ARHGEF10L: variants seen among roughly 807,000 people sequenced by gnomAD.
The protein encoded by ARHGEF10L is Rho guanine nucleotide exchange factor 10 like, also known as rho guanine nucleotide exchange factor 10-like protein.
In ARHGEF10L, 69 loss-of-function variants were observed where a neutral mutation model predicts 141.2. That is an observed-to-expected ratio of 0.49 (90% CI 0.40 to 0.60). The LOEUF (loss-of-function observed/expected upper bound fraction) is 0.60. ARHGEF10L is among the 20% of genes least tolerant of loss of function. The pLI is 0.00. For missense variants in ARHGEF10L, 1,482 were observed against 1,734.3 expected, an observed-to-expected ratio of 0.85 and a Z score of 2.58; for synonymous variants, 711 against 718.5, an observed-to-expected ratio of 0.99 and a Z score of 0.17.
At chr1:17,616,893 A>T (rs1345903651) in intron 9 of ARHGEF10L, among the ~76,000 whole-genome samples, 1 of 152,192 alleles carries the variant, frequency 6.6e-6, no homozygotes, top group Non-Finnish European at 1.5e-5. Flanking sequence ...TGTTCCAGAG[A>T]TGCTCTTAGT....
chr1:17,579,775 G>GC (rs1400035368), intron 1 of ARHGEF10L, among the ~76,000 whole-genome samples: 1 of 152,190 alleles, frequency 6.6e-6, no homozygotes, highest in East Asian at 1.9e-4. Flanking sequence ...TAGGAGGACA[G>GC]CCCCCAGTGC....
rs1292671192 is a variant in ARHGEF10L, at chr1:17,640,206, G to A, written c.2176G>A (p.Gly726Ser). 13 of 1,610,752 alleles carry A rather than the reference G, an allele frequency of 8.1e-6. No homozygotes were observed. The highest frequency in any genetic ancestry group is 2.2e-5 in the South Asian group (2 of 90,256). The change falls in exon 21 of 29, where the codon GGC becomes AGC. Residue 726 changes from glycine to serine, a missense_variant. Coordinates refer to ENST00000361221, the MANE Select transcript of ARHGEF10L (RefSeq NM_018125.4). ...CTCTAACCCTTCTCACCACAGGTCC[G>A]GCCGCCCCATTAGCTTCATGGTGGT... ...LLLPGKPDKSGRPISFMVVFI... is the reference protein window; with the variant it reads ...LLLPGKPDKSSRPISFMVVFI...
At chr1:17,686,093 TC>T (rs1184540650) in intron 26 of ARHGEF10L, among the ~76,000 whole-genome samples, 2 of 147,300 alleles carry the variant, frequency 1.4e-5, no homozygotes, top group East Asian at 2.0e-4. Flanking sequence ...TTTCTTTCTT[TC>T]TTTCTTTCTT....
intron 7 of ARHGEF10L, among the ~76,000 whole-genome samples, chr1:17,609,185 C>G (rs1570876355): frequency 1.3e-5 from 2 of 152,192 alleles, no homozygotes; most frequent in Admixed American, 6.5e-5. Context: ...CCAGTGCCTC[C>G]CACCTTTTCT....
chr1:17,554,947 T>C (rs1343268448), intron 1 of ARHGEF10L, among the ~76,000 whole-genome samples: 1 of 152,160 alleles, frequency 6.6e-6, no homozygotes, highest in Non-Finnish European at 1.5e-5. Context: ...TTGCCTTCTC[T>C]TTCTCCAATC....
chr1:17,613,134 GGA>G lies in ARHGEF10L; in HGVS notation c.691_692del (p.Asp231HisfsTer11). The G allele has an allele frequency of 6.2e-7, 1 of 1,613,856 alleles. No individual in the cohort carries two copies. The highest frequency in any genetic ancestry group is 1.1e-5 in the South Asian group (1 of 90,994). ...GACATCTTGGCTTTGAGAGTTGGGG[GGA>G]GAGACATGCAGGAGCTGAAGCACAA... On this transcript the variant is annotated frameshift_variant, in exon 8 of 29. Transcript: ENST00000361221. LOFTEE classifies it high-confidence loss of function.
chr1:17,531,259 C>T, the ARHGEF10L span, among the ~76,000 whole-genome samples: 20 of 152,230 alleles, frequency 1.3e-4, 1 homozygote, highest in Admixed American at 1.0e-3. Flanking sequence ...GAAGGGGCTC[C>T]GGGCCTCTTT....
chr1:17,624,205 A>G (rs2060260170), intron 12 of ARHGEF10L, among the ~76,000 whole-genome samples, 182 bp from the exon 13 acceptor site: 1 of 152,152 alleles, frequency 6.6e-6, no homozygotes, highest in Non-Finnish European at 1.5e-5. Flanking sequence ...TCTGAGCTCC[A>G]TGTCCACACC....
chr1:17,517,908 C>T, the ARHGEF10L span, among the ~76,000 whole-genome samples: 4 of 152,154 alleles, frequency 2.6e-5, no homozygotes, highest in African/African-American at 7.2e-5. Flanking sequence ...ATGATCCAAC[C>T]GCCTCGGCCT....
At chr1:17,564,560 G>A (rs900054734) in intron 1 of ARHGEF10L, among the ~76,000 whole-genome samples, 1 of 152,302 alleles carries the variant, frequency 6.6e-6, no homozygotes, top group Admixed American at 6.5e-5. Flanking sequence ...GTTTTAACCT[G>A]TAAATACTGT....
At chr1:17,553,004 A>G (rs1268514866) in intron 1 of ARHGEF10L, among the ~76,000 whole-genome samples, 1 of 152,128 alleles carries the variant, frequency 6.6e-6, no homozygotes, top group African/African-American at 2.4e-5. Flanking sequence ...ACTTTGGGAC[A>G]CCCCAGTCCC....
rs1401167907 is a variant in ARHGEF10L at position 17,639,371 on chromosome 1, C to T, written c.2171+682C>T. ...GGGGGCTCAATGCCCAGGTTTTGGCCTCCAGGGTGGGGTGAAGGTGGGGAT... is the reference window on the plus strand; with the variant it reads ...GGGGGCTCAATGCCCAGGTTTTGGCTTCCAGGGTGGGGTGAAGGTGGGGAT... On this transcript the variant is annotated intron_variant, in intron 20 of 28. Coordinates refer to ENST00000361221, the MANE Select transcript of ARHGEF10L (RefSeq NM_018125.4). This position sits in a 1 kb window ranked among gnomAD's most constrained non-coding sequence, Gnocchi z 4.3. 1.3e-5 allele frequency among the ~76,000 whole-genome samples: 2 copies of T among 152,216 alleles called. No individual in the cohort carries two copies. Among genetic ancestry groups the T allele is most frequent in the Non-Finnish European group, 2.9e-5 (2 of 68,048 alleles).
chr1:17,654,841 C>A lies in ARHGEF10L; in HGVS notation c.2481+119C>A. On this transcript the variant is annotated intron_variant, in intron 23 of 28. Transcript: ENST00000361221. This position sits in a 1 kb window ranked among gnomAD's most constrained non-coding sequence, Gnocchi z 4.3. ...CTGCCTCATCTCATGCAGCTTCATC[C>A]ACCAAGGTCTTCCTGGGCACCTCTG... 1.0e-6 allele frequency: 1 copy of A among 972,600 alleles called. No individual in the cohort carries two copies. Among genetic ancestry groups the A allele is most frequent in the Non-Finnish European group, 1.6e-6 (1 of 617,282 alleles). 60.2% of individuals were successfully genotyped at this position (972,600 alleles called of 1,614,324 possible). A position where few individuals can be genotyped will look rare whatever the true frequency, so the allele number is the denominator to read the frequency against.
intron 1 of ARHGEF10L, among the ~76,000 whole-genome samples, chr1:17,542,052 T>C (rs2076747335): frequency 6.6e-6 from 1 of 151,430 alleles, no homozygotes. Context: ...GGTGGGAGGG[T>C]CGCTTGAACC....
intron 4 of ARHGEF10L, among the ~76,000 whole-genome samples, chr1:17,596,038 GCTTA>G (rs879466228): frequency 6.6e-6 from 1 of 152,192 alleles, no homozygotes; most frequent in African/African-American, 2.4e-5. Flanking sequence ...GCCCCGGGGT[GCTTA>G]CTTCTTCCCC....
chr1:17,553,201 GT>G (rs2077181503), intron 1 of ARHGEF10L, among the ~76,000 whole-genome samples: 1 of 152,210 alleles, frequency 6.6e-6, no homozygotes, highest in African/African-American at 2.4e-5. Context: ...AGTTGCCTGG[GT>G]TCTAATCCCA....
In ARHGEF10L at chr1:17,595,220, C is replaced by CAT. The variant is rs1182280745; in HGVS notation, c.257+6741_257+6742insAT. Reference sequence around the variant, plus strand: ...TTGCACATGCTGTTTCGTGGCTCACCTTTTTTTTTTTTTTTTTTTTTTTTT... The same window carrying CAT: ...TTGCACATGCTGTTTCGTGGCTCACCATTTTTTTTTTTTTTTTTTTTTTTTTT... On this transcript the variant is annotated intron_variant, in intron 4 of 28. Transcript: ENST00000361221. 5.7e-5 allele frequency among the ~76,000 whole-genome samples: 6 copies of CAT among 106,112 alleles called. No individual in the cohort carries two copies. The South Asian group carries it at 1.7e-3, about 31-fold the overall frequency. The allele number at this position is 106,112 out of a possible 152,430, so 69.6% of individuals were successfully genotyped here.
rs2102012206 is a variant in ARHGEF10L, at chr1:17,654,523, A to G, written c.2395-113A>G. ...GAAGCATGTTGCTTTCCTGGCCCCC[A>G]CCCACAGGGATTCTAATCCAGGGAG... is the stretch of plus-strand genomic sequence containing the variant. On this transcript the variant is annotated intron_variant, in intron 22 of 28. Transcript: ENST00000361221. This position sits in a 1 kb window ranked among gnomAD's most constrained non-coding sequence, Gnocchi z 4.3. 8 of 918,720 alleles carry G rather than the reference A, an allele frequency of 8.7e-6. No individual in the cohort carries two copies. The highest frequency in any genetic ancestry group is 1.5e-5 in the Non-Finnish European group (8 of 550,780). The allele number at this position is 918,720 out of a possible 1,614,324, so 56.9% of individuals were successfully genotyped here.
At position 17,621,844 on chromosome 1, in the gene ARHGEF10L, G is replaced by C. The variant is rs576328375; in HGVS notation, c.943-20G>C. 1 of 1,613,120 alleles carries C rather than the reference G, an allele frequency of 6.2e-7. No individual in the cohort carries two copies. Among genetic ancestry groups the C allele is most frequent in the Non-Finnish European group, 8.5e-7 (1 of 1,179,224 alleles). On this transcript the variant is annotated intron_variant, in intron 10 of 28. Coordinates refer to ENST00000361221, the MANE Select transcript of ARHGEF10L (RefSeq NM_018125.4). This position sits in a 1 kb window ranked among gnomAD's most constrained non-coding sequence, Gnocchi z 4.1. ...GCAGCAGGTGTCATGTGCGCTGACC[G>C]TGCTTTTTGGCCCGAGCAGGTGGTC...
Sources: allele counts gnomAD v4.1 joint callset (sites outside exome capture counted in the v4.1 genomes callset), GRCh38; gene constraint gnomAD v4.1.1; non-coding constraint Gnocchi (gnomAD v3.1); transcripts MANE v1.5; gene names NCBI Gene and HGNC (gene_info 2026-07-23, HGNC 2026-07-21).